The following TTC28 variants were observed in gnomAD, a reference collection of about 807,000 sequenced individuals.
TTC28 encodes tetratricopeptide repeat protein 28.
A neutral mutation model predicts 198.0 loss-of-function variants in TTC28; 61 were observed. The ratio of observed to expected loss-of-function variants is 0.31; its 90% CI spans 0.25 to 0.38. The LOEUF is 0.38. Ranked by LOEUF, TTC28 falls within the 10% of genes least tolerant of loss-of-function variation. The probability of loss-of-function intolerance (pLI) is 1.00; values close to 1 mark genes in which losing one functional copy is unlikely to be tolerated. For missense variants in TTC28, 2,678 were observed against 3,164.0 expected (o/e 0.85, Z 3.69); for synonymous variants, 1,171 against 1,297.8 (o/e 0.90, Z 2.10).
At chr22:28,222,376 C>A (rs779956816) in intron 5 of TTC28, among the ~76,000 whole-genome samples, 1 of 152,218 alleles carries the variant, frequency 6.6e-6, no homozygotes, top group Admixed American at 6.5e-5. Context: ...AAAACCTACA[C>A]GACCCGAAGG....
intron 2 of TTC28, among the ~76,000 whole-genome samples, chr22:28,605,354 G>A (rs972709847): frequency 6.6e-6 from 1 of 152,128 alleles, no homozygotes; most frequent in Admixed American, 6.6e-5. Flanking sequence ...AATGACCAGT[G>A]GCCTTAAGAG....
intron 2 of TTC28, among the ~76,000 whole-genome samples, chr22:28,352,306 T>G (rs1825262734): frequency 1.5e-5 from 1 of 67,642 alleles, no homozygotes. Flanking sequence ...TAGACAGAGA[T>G]ATATACATAT....
At chr22:28,423,805 G>A (rs552759182) in intron 2 of TTC28, among the ~76,000 whole-genome samples, 1 of 152,284 alleles carries the variant, frequency 6.6e-6, no homozygotes, top group South Asian at 2.1e-4. Flanking sequence ...TTATAAAATG[G>A]TTTGATATGA....
intron 2 of TTC28, among the ~76,000 whole-genome samples, chr22:28,587,850 C>T (rs776831602): frequency 4.6e-5 from 7 of 152,000 alleles, no homozygotes; most frequent in Non-Finnish European, 1.0e-4. Flanking sequence ...TAAAAACATG[C>T]TGTTATTATG....
chr22:28,467,219 G>C (rs187899112), intron 2 of TTC28, among the ~76,000 whole-genome samples: 31 of 152,302 alleles, frequency 2.0e-4, no homozygotes, highest in Admixed American at 3.3e-4. Context: ...CCAGGAATTT[G>C]AGCCCAGCCT....
At chr22:28,409,523 C>T (rs961223169) in intron 2 of TTC28, among the ~76,000 whole-genome samples, 1 of 150,200 alleles carries the variant, frequency 6.7e-6, no homozygotes, top group African/African-American at 2.4e-5. Flanking sequence ...AATGTACACA[C>T]GTTAATATAT....
At chr22:28,442,694 G>C (rs936320721) in intron 2 of TTC28, among the ~76,000 whole-genome samples, 4 of 152,222 alleles carry the variant, frequency 2.6e-5, no homozygotes, top group African/African-American at 9.6e-5. Context: ...AAACTTAAAG[G>C]GCAGTGGATG....
chr22:28,264,491 G>A (rs1473920999), intron 5 of TTC28, among the ~76,000 whole-genome samples: 1 of 152,196 alleles, frequency 6.6e-6, no homozygotes, highest in Non-Finnish European at 1.5e-5. Flanking sequence ...AATGTGTTCA[G>A]GAGAAGATGA....
intron 2 of TTC28, among the ~76,000 whole-genome samples, chr22:28,355,238 T>G (rs16986349): frequency 0.016 from 2,444 of 152,192 alleles, 87 homozygotes; most frequent in African/African-American, 0.057. Flanking sequence ...ATGAACACTA[T>G]GGAGGAAAAT....
At chr22:28,678,792 G>A (rs1336483473) in intron 1 of TTC28, among the ~76,000 whole-genome samples, 1 of 152,144 alleles carries the variant, frequency 6.6e-6, no homozygotes, top group Admixed American at 6.5e-5. Context: ...CCATGGTGAG[G>A]TATACACAAA....
intron 2 of TTC28, among the ~76,000 whole-genome samples, chr22:28,557,005 T>C (rs772026279): frequency 6.6e-6 from 1 of 152,152 alleles, no homozygotes; most frequent in Non-Finnish European, 1.5e-5. Flanking sequence ...ACCCCTTCAT[T>C]TGCACAATAC....
At chr22:28,649,824 C>T (rs145732795) in intron 1 of TTC28, among the ~76,000 whole-genome samples, 93 of 152,266 alleles carry the variant, frequency 6.1e-4, no homozygotes, top group African/African-American at 2.1e-3. Context: ...AATTTGAATG[C>T]TTAACACATA....
intron 5 of TTC28, among the ~76,000 whole-genome samples, chr22:28,258,752 G>A (rs1421980008): frequency 1.3e-5 from 2 of 152,144 alleles, no homozygotes; most frequent in Admixed American, 1.3e-4. Context: ...GAACAACAGT[G>A]AGGAAGTATA....
chr22:28,546,289 T>C (rs1287950943), intron 2 of TTC28, among the ~76,000 whole-genome samples: 1 of 152,058 alleles, frequency 6.6e-6, no homozygotes, highest in Non-Finnish European at 1.5e-5. Flanking sequence ...CTATTAAAAA[T>C]ACAAAAATTA....
chr22:28,241,088 C>T (rs1039261252), intron 5 of TTC28, among the ~76,000 whole-genome samples: 20 of 152,090 alleles, frequency 1.3e-4, no homozygotes, highest in Admixed American at 5.2e-4. Flanking sequence ...ATAGTAACTT[C>T]ACGATAGAGA....
At chr22:28,199,383 T>TTATA (rs34398046) in intron 5 of TTC28, among the ~76,000 whole-genome samples, 2,466 of 118,024 alleles carry the variant, frequency 0.021, 40 homozygotes, top group Non-Finnish European at 0.025. Flanking sequence ...ACATTAAAAA[T>TTATA]TATATATATA....
intron 2 of TTC28, among the ~76,000 whole-genome samples, chr22:28,547,213 TGA>T (rs369078730): frequency 6.7e-6 from 1 of 148,584 alleles, no homozygotes; most frequent in Non-Finnish European, 1.5e-5. Flanking sequence ...TGTGTGTGTG[TGA>T]GTGTGTGTGT....
rs1242593304 is a variant in TTC28, at chr22:27,983,015, C to T, written c.6652G>A (p.Val2218Ile). 1.3e-6 allele frequency: 2 copies of T among 1,551,574 alleles called. No individual in the cohort carries two copies. The highest frequency in any genetic ancestry group is 1.7e-6 in the Non-Finnish European group (2 of 1,146,986). The change falls in exon 23 of 23, where the codon GTT (valine) becomes ATT (isoleucine). Residue 2218 changes from valine to isoleucine, a missense_variant. This residue lies in a region of TTC28 where 622 missense variants were observed against 656.0 expected (regional missense o/e 0.95). Coordinates refer to ENST00000397906, the MANE Select transcript of TTC28 (RefSeq NM_001145418.2). Reference protein sequence around the residue: ...ASETSAFSRPVLSHQKSQPSP... With the variant: ...ASETSAFSRPILSHQKSQPSP... ...GGCTGACTCTTCTGATGGGAGAGAA[C>T]AGGCCTGCTGAACGCACTGGTTTCT...
At chr22:28,455,433 G>A (rs982143971) in intron 2 of TTC28, among the ~76,000 whole-genome samples, 8 of 152,122 alleles carry the variant, frequency 5.3e-5, no homozygotes, top group African/African-American at 1.7e-4. Context: ...GAGCATCATG[G>A]CCAGGTGTGG....
Sources: allele counts gnomAD v4.1 joint callset (sites outside exome capture counted in the v4.1 genomes callset), GRCh38; gene constraint gnomAD v4.1.1; regional missense constraint gnomAD v4.1.1; transcripts MANE v1.5; gene names NCBI Gene and HGNC (gene_info 2026-07-23, HGNC 2026-07-21).